WNT7A: variants seen among roughly 807,000 people sequenced by gnomAD.
WNT7A encodes the protein protein Wnt-7a.
WNT7A carries 16 observed loss-of-function variants against 28.2 expected under a neutral mutation model. The ratio of observed to expected loss-of-function variants is 0.57; its 90% CI spans 0.38 to 0.86. The LOEUF (loss-of-function observed/expected upper bound fraction) is 0.86. Ranked by LOEUF, WNT7A falls within the 40% of genes least tolerant of loss-of-function variation. The pLI, the probability that WNT7A is intolerant of heterozygous loss-of-function variation, is 0.00. For synonymous variants in WNT7A, 190 were observed against 195.9 expected, an observed-to-expected ratio of 0.97 and a Z score of 0.25; for missense variants, 411 against 489.7, an observed-to-expected ratio of 0.84 and a Z score of 1.52.
chr3:13,862,949 T>C (rs1303551524), intron 2 of WNT7A, among the ~76,000 whole-genome samples: 3 of 152,228 alleles, frequency 2.0e-5, no homozygotes, highest in Non-Finnish European at 4.4e-5. Flanking sequence ...AACAGAGCCC[T>C]GGAGGTGGAT....
At chr3:13,868,664 G>GAAGGGAAGA (rs1694957914) in intron 2 of WNT7A, among the ~76,000 whole-genome samples, 2 of 6,572 alleles carry the variant, frequency 3.0e-4, no homozygotes, top group African/African-American at 8.5e-4. Flanking sequence ...AGGAGGGAGG[G>GAAGGGAAGA]AGTGGGAGAG....
At chr3:13,840,133 C>G (rs922817905) in intron 3 of WNT7A, among the ~76,000 whole-genome samples, 1 of 152,228 alleles carries the variant, frequency 6.6e-6, no homozygotes. Flanking sequence ...CTTGCAATTC[C>G]CTCTGACTCA....
intron 1 of WNT7A, among the ~76,000 whole-genome samples, chr3:13,876,548 G>A (rs371452499): frequency 1.1e-4 from 17 of 152,290 alleles, no homozygotes; most frequent in African/African-American, 3.6e-4. Context: ...CAAGTGCCTC[G>A]TCCTGGGGCT....
rs1575056906 is a variant in WNT7A at position 13,818,368 on chromosome 3, A to AAAAAAAAAAAAAAAAAAAAAAAAAAAT, written c.*575_*576insATTTTTTTTTTTTTTTTTTTTTTTTTT. The AAAAAAAAAAAAAAAAAAAAAAAAAAAT allele has an allele frequency of 6.7e-6, 1 of 150,044 alleles. No individual in the cohort carries two copies. 9.3% of individuals were successfully genotyped at this position (150,044 alleles called of 1,614,324 possible). ...GCAAACAGCAAAAAAAAAAAAAAAA[A>AAAAAAAAAAAAAAAAAAAAAAAAAAAT]TGTGTGTGTGTATATCTATATATGC... On this transcript the variant is annotated 3_prime_UTR_variant, in exon 4 of 4. Transcript: ENST00000285018.
rs1427274104 is a variant in WNT7A, at chr3:13,817,737, G to T, written c.*1207C>A. ...CGCAGGCAATGGCTAGTGTCTTGGTGAGGTGTGGGGCTCCCTGAACTGGCC... is the reference window on the plus strand; with the variant it reads ...CGCAGGCAATGGCTAGTGTCTTGGTTAGGTGTGGGGCTCCCTGAACTGGCC... On this transcript the variant is annotated 3_prime_UTR_variant, in exon 4 of 4. Transcript: ENST00000285018. 6.6e-6 allele frequency: 1 copy of T among 152,300 alleles called. No homozygotes were observed. The highest frequency in any genetic ancestry group is 1.5e-5 in the Non-Finnish European group (1 of 68,102). The allele number at this position is 152,300 out of a possible 1,614,324, so 9.4% of individuals were successfully genotyped here. A position where few individuals can be genotyped will look rare whatever the true frequency, so the allele number is the denominator to read the frequency against.
chr3:13,846,755 C>T (rs191021066), intron 3 of WNT7A, among the ~76,000 whole-genome samples: 2 of 152,086 alleles, frequency 1.3e-5, no homozygotes, highest in Non-Finnish European at 2.9e-5. Flanking sequence ...CTAACCACAC[C>T]ACCCCCAGTC....
At chr3:13,825,624 C>T (rs182336431) in intron 3 of WNT7A, among the ~76,000 whole-genome samples, 12 of 152,362 alleles carry the variant, frequency 7.9e-5, no homozygotes, top group African/African-American at 2.6e-4. Flanking sequence ...GGTTCCAACA[C>T]ACCACTGGCC....
intron 2 of WNT7A, among the ~76,000 whole-genome samples, chr3:13,868,558 G>A (rs1272842994): frequency 1.9e-5 from 2 of 106,032 alleles, no homozygotes; most frequent in African/African-American, 8.9e-5. Flanking sequence ...AAGGGAAGAA[G>A]GGGGAGAGAG....
chr3:13,856,130 T>C (rs1454212267), intron 2 of WNT7A, among the ~76,000 whole-genome samples: 1 of 146,572 alleles, frequency 6.8e-6, no homozygotes, highest in Non-Finnish European at 1.5e-5. Flanking sequence ...AGCTTCCCCA[T>C]GCCAGGGCTG....
chr3:13,825,276 C>T (rs942745241), intron 3 of WNT7A, among the ~76,000 whole-genome samples: 2 of 152,182 alleles, frequency 1.3e-5, no homozygotes, highest in African/African-American at 2.4e-5. Context: ...AAAGCCTTCC[C>T]TGATTGTCAG....
chr3:13,832,184 G>C (rs1226962427), intron 3 of WNT7A, among the ~76,000 whole-genome samples: 1 of 108,624 alleles, frequency 9.2e-6, no homozygotes, highest in African/African-American at 3.7e-5. Context: ...AGATCCTCCT[G>C]CTCTTCCTCC....
At chr3:13,835,955 T>C (rs1694360938) in intron 3 of WNT7A, among the ~76,000 whole-genome samples, 1 of 152,128 alleles carries the variant, frequency 6.6e-6, no homozygotes, top group African/African-American at 2.4e-5. Flanking sequence ...TCCAGGTGTA[T>C]GCAATGTCCA....
In WNT7A at chr3:13,879,765, T is replaced by TGCCCAGGCTGAGAAAGAGGTG. The variant is rs761246846; in HGVS notation, c.31_51dup (p.His11_Gly17dup). ...CCTTACCCGATCCGGAGGTAGACCA[T>TGCCCAGGCTGAGAAAGAGGTG]GCCCAGGCTGAGAAAGAGGTGGCCC... On this transcript the variant is annotated inframe_insertion, in exon 1 of 4. Transcript: ENST00000285018. The TGCCCAGGCTGAGAAAGAGGTG allele has an allele frequency of 6.2e-7, 1 of 1,612,720 alleles. No homozygotes were observed. The highest frequency in any genetic ancestry group is 8.5e-7 in the Non-Finnish European group (1 of 1,179,270).
At chr3:13,830,812 C>T (rs1352024873) in intron 3 of WNT7A, among the ~76,000 whole-genome samples, 1 of 152,166 alleles carries the variant, frequency 6.6e-6, no homozygotes, top group African/African-American at 2.4e-5. Flanking sequence ...TTCCTTAAAT[C>T]CTGCCCACAT....
At chr3:13,869,612 GAGAA>G (rs1694996685) in intron 2 of WNT7A, among the ~76,000 whole-genome samples, 1 of 127,596 alleles carries the variant, frequency 7.8e-6, no homozygotes, top group South Asian at 2.8e-4. Context: ...GGAAGAAAGA[GAGAA>G]AGAGAAAGAA....
chr3:13,840,157 A>G (rs1396351122), intron 3 of WNT7A, among the ~76,000 whole-genome samples: 1 of 152,210 alleles, frequency 6.6e-6, no homozygotes, highest in Non-Finnish European at 1.5e-5. Flanking sequence ...GCAATTCCCC[A>G]GATGGCTCAT....
chr3:13,835,567 C>T (rs1216529877), intron 3 of WNT7A, among the ~76,000 whole-genome samples: 1 of 152,226 alleles, frequency 6.6e-6, no homozygotes, highest in Non-Finnish European at 1.5e-5. Flanking sequence ...GAGCACGGGC[C>T]CCCTACATCA....
At chr3:13,856,972 AAGAAGAAGAAGAAGG>A (rs1319815236) in intron 2 of WNT7A, among the ~76,000 whole-genome samples, 7,133 of 111,576 alleles carry the variant, frequency 0.064, 442 homozygotes, top group African/African-American at 0.18. Flanking sequence ...GAAGAAGGAG[AAGAAGAAGAAGAAGG>A]AGAAGAAGAA....
intron 3 of WNT7A, among the ~76,000 whole-genome samples, chr3:13,827,942 C>G (rs1404607253): frequency 1.3e-5 from 2 of 152,118 alleles, no homozygotes; most frequent in African/African-American, 4.8e-5. Flanking sequence ...CCTTCTACAG[C>G]CCTCCACAGT....
Sources: gnomAD v4.1 joint callset for allele counts (sites outside exome capture counted in the v4.1 genomes callset) on GRCh38, gnomAD v4.1.1 for gene constraint, MANE v1.5 for transcripts, NCBI Gene and HGNC (gene_info 2026-07-23, HGNC 2026-07-21) for gene names.